Variants in SKP2 observed in about 807,000 individuals in gnomAD.
The protein encoded by SKP2 is S-phase kinase-associated protein 2.
In SKP2, 16 loss-of-function variants were observed where a neutral mutation model predicts 51.8. The ratio of observed to expected loss-of-function variants is 0.31; its 90% CI spans 0.21 to 0.47. The LOEUF (loss-of-function observed/expected upper bound fraction) is 0.47, where lower values mean the gene tolerates loss of function less well. SKP2 is among the 20% of genes least tolerant of loss of function. SKP2 has a pLI of 1.00. For missense variants in SKP2, 377 were observed against 505.3 expected (o/e 0.75, Z 2.43); for synonymous variants, 176 against 198.6 (o/e 0.89, Z 0.96).
At chr5:36,173,050 G>GT (rs879584914) in intron 7 of SKP2, among the ~76,000 whole-genome samples, 1,726 of 141,102 alleles carry the variant, frequency 0.012, 21 homozygotes, top group African/African-American at 0.036. Context: ...TACAAAAACT[G>GT]TTTTTTTTTT....
At chr5:36,160,073 A>G (rs1424992202) in intron 2 of SKP2, among the ~76,000 whole-genome samples, 2 of 152,332 alleles carry the variant, frequency 1.3e-5, no homozygotes, top group South Asian at 2.1e-4. Flanking sequence ...ACAATTTTGC[A>G]AGATAAATCT....
downstream of SKP2, among the ~76,000 whole-genome samples, chr5:36,187,541 G>T (rs1561047055): frequency 6.6e-6 from 1 of 152,202 alleles, no homozygotes. Flanking sequence ...TAGTTGAGCA[G>T]TTTTGAGTGA....
Position 36,152,813 on chromosome 5 carries a change from C to T in SKP2, c.51C>T (p.Ala17=), listed in dbSNP as rs1412339084. The part of the protein sequence containing the change: ...QEIPDLSSNV[A]TSFTWGWDSS... The stretch of plus-strand genomic sequence containing the variant: ...TTCCAGACCTGAGTAGCAACGTTGC[C>T]ACCAGCTTCACGTGGGGATGGGATT... Residue 17 remains alanine, a synonymous_variant, in exon 2 of 10, where the codon GCC becomes GCT. Coordinates refer to ENST00000274255, the MANE Select transcript of SKP2 (RefSeq NM_005983.4). 6.2e-7 allele frequency: 1 copy of T among 1,614,040 alleles called. No homozygotes were observed. Among genetic ancestry groups the T allele is most frequent in the Admixed American group, 1.7e-5 (1 of 60,014 alleles).
In SKP2 at chr5:36,182,017, C is replaced by A; in HGVS notation, c.1261C>A (p.Pro421Thr). Residue 421 changes from proline to threonine, a missense_variant, in exon 10 of 10, where the codon CCC (proline) becomes ACC (threonine). Pro to Thr is a conservative substitution (Grantham distance 38). Transcript: ENST00000274255. ...CAAATGCCGACTGACACTGCAAAAG[C>A]CCAGTTGTCTATGAAGTATTTATTG... ...GIKCRLTLQK[P>T]SCL 1 of 1,614,080 alleles carries A rather than the reference C, an allele frequency of 6.2e-7. No individual in the cohort carries two copies.
intron 2 of SKP2, among the ~76,000 whole-genome samples, chr5:36,159,380 A>C (rs1366005188): frequency 6.6e-6 from 1 of 152,064 alleles, no homozygotes; most frequent in Non-Finnish European, 1.5e-5. Context: ...CAAGTTTGTT[A>C]ATTTATTTCT....
chr5:36,168,530 C>G (rs1200927614), intron 5 of SKP2, 83 bp downstream of exon 5: 4 of 1,301,426 alleles, frequency 3.1e-6, no homozygotes, highest in Non-Finnish European at 4.4e-6. Flanking sequence ...GGGTGCCCTT[C>G]TAGCCATATC....
Position 36,152,758 on chromosome 5 carries a change from T to C in SKP2, c.9-13T>C, listed in dbSNP as rs747693815. 1.2e-6 allele frequency: 2 copies of C among 1,611,424 alleles called. No homozygotes were observed. The highest frequency in any genetic ancestry group is 2.2e-5 in the East Asian group (1 of 44,842). Reference sequence around the variant, plus strand: ...TTTTCGAAAGGAACCGGGGGTATTGTGCACTTCTGCAGGAAGCACCTCCAG... The same window carrying C: ...TTTTCGAAAGGAACCGGGGGTATTGCGCACTTCTGCAGGAAGCACCTCCAG... On this transcript the variant is annotated splice_polypyrimidine_tract_variant and intron_variant, in intron 1 of 9. Transcript: ENST00000274255.
At chr5:36,187,892 G>C (rs1277588599), downstream of SKP2, among the ~76,000 whole-genome samples, 1 of 152,110 alleles carries the variant, frequency 6.6e-6, no homozygotes, top group Non-Finnish European at 1.5e-5. Flanking sequence ...AGGTCTCTAA[G>C]GACTTGCTTT....
chr5:36,171,574 A>G lies in SKP2; in HGVS notation c.771-29A>G, dbSNP rs564731382. On this transcript the variant is annotated intron_variant, in intron 6 of 9. Coordinates refer to ENST00000274255, the MANE Select transcript of SKP2 (RefSeq NM_005983.4). ...ACTCATTCCCGTGTGATGGTTTCAT[A>G]TTTTGTTTATTACCCCTCTTTTGTG... is the stretch of plus-strand genomic sequence containing the variant. 2.9e-5 allele frequency: 46 copies of G among 1,605,406 alleles called. No individual in the cohort carries two copies. The East Asian group carries it at 9.8e-4, about 34-fold the overall frequency.
rs553209346 is a variant in SKP2 at position 36,174,146 on chromosome 5, AGAAACATTT to A, written c.901+2415_901+2423del. Reference sequence around the variant, plus strand: ...TTCCATGGAGCAATGGATGAAGCACAGAAACATTTGGTCTTGGATTTGACCTTGACTTCT... The same window carrying A: ...TTCCATGGAGCAATGGATGAAGCACAGGTCTTGGATTTGACCTTGACTTCT... On this transcript the variant is annotated intron_variant, in intron 7 of 9. Transcript: ENST00000274255. Among the ~76,000 whole-genome samples, 68 of 152,284 alleles carry A rather than the reference AGAAACATTT, an allele frequency of 4.5e-4. No individual in the cohort carries two copies. The South Asian group carries it at 7.3e-3, about 16-fold the overall frequency.
downstream of SKP2, among the ~76,000 whole-genome samples, chr5:36,187,788 C>T (rs972903330): frequency 1.3e-5 from 2 of 152,090 alleles, no homozygotes; most frequent in African/African-American, 4.8e-5. Context: ...CCCGGATATC[C>T]TTTTTAACTT....
At chr5:36,191,153 G>A (rs1255191645) in intron 6 of SKP2, among the ~76,000 whole-genome samples, 1 of 152,120 alleles carries the variant, frequency 6.6e-6, no homozygotes, top group African/African-American at 2.4e-5. Context: ...CCCATAAACT[G>A]GTGGTTAGAT....
intron 6 of SKP2, among the ~76,000 whole-genome samples, chr5:36,192,293 A>C (rs1371317532): frequency 6.6e-6 from 1 of 152,156 alleles, no homozygotes; most frequent in African/African-American, 2.4e-5. Context: ...TCATTAGTAC[A>C]TTTACTCTTA....
intron 6 of SKP2, among the ~76,000 whole-genome samples, chr5:36,191,692 A>G (rs1746028611): frequency 1.3e-5 from 2 of 152,188 alleles, no homozygotes; most frequent in African/African-American, 4.8e-5. Context: ...AGAGCCTATG[A>G]GGAAACAAAG....
At chr5:36,176,090 A>G (rs1227755617) in intron 7 of SKP2, among the ~76,000 whole-genome samples, 3 of 152,082 alleles carry the variant, frequency 2.0e-5, no homozygotes, top group Admixed American at 2.0e-4. Flanking sequence ...ACTTTATGGT[A>G]GACCTACTTT....
chr5:36,152,140 G>T lies in SKP2; in HGVS notation c.-123G>T, dbSNP rs1744743254. 5.1e-6 allele frequency: 5 copies of T among 977,240 alleles called. No individual in the cohort carries two copies. In the South Asian group the frequency reaches 5.2e-5, roughly 10 times the overall value. 60.5% of individuals were successfully genotyped at this position (977,240 alleles called of 1,614,324 possible). ...GGGATGGAACGTTGCTAGGCTTAGC[G>T]GGTCTGGCTGCTGGGGGCCCGAGCA... On this transcript the variant is annotated 5_prime_UTR_variant, in exon 1 of 10. Transcript: ENST00000274255.
At chr5:36,177,703 T>C (rs1229626549) in intron 9 of SKP2, among the ~76,000 whole-genome samples, 1 of 152,008 alleles carries the variant, frequency 6.6e-6, no homozygotes, top group East Asian at 1.9e-4. Context: ...TCATCTGGGC[T>C]TAAAGTTCTG....
chr5:36,190,494 CTA>C (rs1408754644), intron 6 of SKP2, among the ~76,000 whole-genome samples: 1 of 151,992 alleles, frequency 6.6e-6, no homozygotes, highest in Non-Finnish European at 1.5e-5. Context: ...TCAGGTTATA[CTA>C]TGTGTTTTAT....
rs1744794580 is a variant in SKP2, at chr5:36,152,933, A to C, written c.171A>C (p.Ser57=). The C allele has an allele frequency of 1.9e-6, 3 of 1,614,002 alleles. No homozygotes were observed. In the South Asian group the frequency reaches 3.3e-5, roughly 18 times the overall value. Residue 57 remains serine, a synonymous_variant, in exon 2 of 10, where the codon TCA becomes TCC. Coordinates refer to ENST00000274255, the MANE Select transcript of SKP2 (RefSeq NM_005983.4). ...DSENIPQELL[S]NLGHPESPPR... ...AGAACATCCCCCAGGAACTGCTCTC[A>C]AACCTGGGCCACCCGGAGAGCCCCC...
Sources: gnomAD v4.1 joint callset for allele counts (sites outside exome capture counted in the v4.1 genomes callset) on GRCh38, gnomAD v4.1.1 for gene constraint, MANE v1.5 for transcripts, NCBI Gene and HGNC (gene_info 2026-07-23, HGNC 2026-07-21) for gene names.